The following CAP1 variants were observed in gnomAD, a reference collection of about 807,000 sequenced individuals.
The protein encoded by CAP1 is cyclase associated actin cytoskeleton regulatory protein 1.
A neutral mutation model predicts 58.2 loss-of-function variants in CAP1; 11 were observed. The ratio of observed to expected loss-of-function variants is 0.19; its 90% confidence interval spans 0.12 to 0.31. The LOEUF (loss-of-function observed/expected upper bound fraction) is 0.31. Ranked by LOEUF, CAP1 falls within the 10% of genes least tolerant of loss-of-function variation. The pLI, the probability that CAP1 is intolerant of heterozygous loss-of-function variation, is 1.00. For missense variants in CAP1, 423 were observed against 587.5 expected, an observed-to-expected ratio of 0.72 and a Z score of 2.89; for synonymous variants, 183 against 213.8, an observed-to-expected ratio of 0.86 and a Z score of 1.26.
At chr1:40,043,865 ACT>A (rs1007057505) in intron 1 of CAP1, among the ~76,000 whole-genome samples, 1 of 136,090 alleles carries the variant, frequency 7.3e-6, no homozygotes, top group Non-Finnish European at 1.6e-5. Flanking sequence ...TGATAGTGAG[ACT>A]CTGTCTCAAA....
intron 8 of CAP1, 64 bp from the exon 9 acceptor site, chr1:40,069,626 A>AT: frequency 7.1e-7 from 1 of 1,416,498 alleles, no homozygotes; most frequent in Admixed American, 2.1e-5. Flanking sequence ...GATGTTTAAC[A>AT]TGACGATAGC....
chr1:40,066,091 A>G, intron 6 of CAP1, 124 bp from the exon 7 acceptor site: 1 of 622,932 alleles, frequency 1.6e-6, no homozygotes, highest in Non-Finnish European at 2.9e-6. Flanking sequence ...AAAAGCTGCC[A>G]TTGAGCGGAG....
Position 40,072,269 on chromosome 1 carries a change from A to AC in CAP1, c.*736_*737insC, listed in dbSNP as rs143200276. On this transcript the variant is annotated 3_prime_UTR_variant, in exon 13 of 13. Transcript: ENST00000372805. ...TTTAAAAGGAAAAAAAAAAAAAAAA[A>AC]AACCCACATGATTTCAAGGAGTCTG... The AC allele has an allele frequency of 4.6e-6, 1 of 218,058 alleles. No homozygotes were observed. The highest frequency in any genetic ancestry group is 7.3e-6 in the Non-Finnish European group (1 of 136,554). 13.5% of individuals were successfully genotyped at this position (218,058 alleles called of 1,614,324 possible). A position where few individuals can be genotyped will look rare whatever the true frequency, so the allele number is the denominator to read the frequency against.
chr1:40,070,533 C>T (rs1285671877), intron 11 of CAP1, 21 bp downstream of exon 11: 2 of 1,572,418 alleles, frequency 1.3e-6, no homozygotes, highest in Admixed American at 3.3e-5. Flanking sequence ...ATTTTGGCTC[C>T]TTCTTTTTGT....
Position 40,064,287 on chromosome 1 carries a change from C to A in CAP1, c.355C>A (p.Arg119=). 1 of 1,614,118 alleles carries A rather than the reference C, an allele frequency of 6.2e-7. No individual in the cohort carries two copies. Among genetic ancestry groups the A allele is most frequent in the Non-Finnish European group, 8.5e-7 (1 of 1,179,970 alleles). The change falls in exon 5 of 13, where the codon CGG becomes AGG. Residue 119 remains arginine (R), a synonymous_variant. Transcript: ENST00000372805. ...GCAGATCAAAGAAGTGATAACCTTT[C>A]GGGAGAAGAACCGAGGCAGCAAGTT... The part of the protein sequence containing the change: ...SEQIKEVITF[R]EKNRGSKLFN...
At chr1:40,057,426 T>C (rs1171627895) in intron 1 of CAP1, 1 of 152,220 alleles carries the variant, frequency 6.6e-6, no homozygotes, top group East Asian at 1.9e-4. Context: ...CTGCTTATGG[T>C]CTGCTCTATT....
intron 4 of CAP1, among the ~76,000 whole-genome samples, chr1:40,062,041 T>G (rs1646874379): frequency 6.6e-6 from 1 of 152,200 alleles, no homozygotes; most frequent in Non-Finnish European, 1.5e-5. Flanking sequence ...CATAGGACTG[T>G]GGTTATCCCT....
chr1:40,045,027 G>T (rs1646026506), intron 1 of CAP1, among the ~76,000 whole-genome samples: 1 of 151,852 alleles, frequency 6.6e-6, no homozygotes, highest in African/African-American at 2.4e-5. Context: ...CTCGTGATCT[G>T]CTCGCCTCGG....
intron 1 of CAP1, among the ~76,000 whole-genome samples, chr1:40,044,196 G>A (rs1488994283): frequency 6.6e-6 from 1 of 151,812 alleles, no homozygotes; most frequent in East Asian, 1.9e-4. Flanking sequence ...CTGAGTTAGA[G>A]ACTAGCCTGG....
intron 1 of CAP1, among the ~76,000 whole-genome samples, chr1:40,051,956 T>C (rs559169774): frequency 1.3e-4 from 20 of 152,364 alleles, no homozygotes; most frequent in African/African-American, 4.6e-4. Context: ...ATTCACATTT[T>C]ATTTTGTTGT....
chr1:40,070,428 A>G lies in CAP1; in HGVS notation c.1118-2A>G. ...GTTGACACACTCCCTTTCTTCTCCTAGATAACTGTAAGAAACTTGGCCTGG... is the reference window on the plus strand; with the variant it reads ...GTTGACACACTCCCTTTCTTCTCCTGGATAACTGTAAGAAACTTGGCCTGG... On this transcript the variant is annotated splice_acceptor_variant, in intron 10 of 12. Transcript: ENST00000372805. LOFTEE classifies it high-confidence loss of function. The G allele has an allele frequency of 6.2e-7, 1 of 1,613,028 alleles. No individual in the cohort carries two copies.
At chr1:40,071,091 A>G (rs1647872915) in intron 12 of CAP1, 112 bp downstream of exon 12, 4 of 968,000 alleles carry the variant, frequency 4.1e-6, no homozygotes, top group Admixed American at 2.3e-5. Context: ...TAAAAACCCA[A>G]TAATGCACAC....
intron 1 of CAP1, among the ~76,000 whole-genome samples, chr1:40,050,183 T>A (rs1249430530): frequency 1.3e-5 from 2 of 152,010 alleles, no homozygotes; most frequent in African/African-American, 4.8e-5. Context: ...AGAATCCCTC[T>A]AATCCTGAGA....
At chr1:40,041,778 A>G (rs1645842255) in intron 1 of CAP1, among the ~76,000 whole-genome samples, 1 of 152,200 alleles carries the variant, frequency 6.6e-6, no homozygotes, top group South Asian at 2.1e-4. Flanking sequence ...AGTAATTATA[A>G]ATGTTGATGA....
chr1:40,041,659 T>C (rs1315487063), intron 1 of CAP1, among the ~76,000 whole-genome samples: 3 of 152,228 alleles, frequency 2.0e-5, no homozygotes, highest in Non-Finnish European at 4.4e-5. Context: ...TAACAAATTG[T>C]GTTTATTCTG....
chr1:40,047,061 G>A (rs1052200244), intron 1 of CAP1, among the ~76,000 whole-genome samples: 2 of 137,892 alleles, frequency 1.5e-5, no homozygotes, highest in Non-Finnish European at 3.1e-5. Context: ...ATGAGCCATC[G>A]CGCCCGGCCA....
chr1:40,070,796 C>T, intron 11 of CAP1, 40 bp from the exon 12 acceptor site: 1 of 1,567,234 alleles, frequency 6.4e-7, no homozygotes, highest in Non-Finnish European at 8.7e-7. Context: ...TGTTGTCCTT[C>T]CCAACCACTG....
At chr1:40,054,387 GCTGGT>G (rs1387486397) in intron 1 of CAP1, among the ~76,000 whole-genome samples, 1 of 152,070 alleles carries the variant, frequency 6.6e-6, no homozygotes, top group African/African-American at 2.4e-5. Flanking sequence ...GTGCTTCCCA[GCTGGT>G]CTCGAACTCC....
chr1:40,044,186 C>T (rs1191003553), intron 1 of CAP1, among the ~76,000 whole-genome samples: 3 of 151,896 alleles, frequency 2.0e-5, no homozygotes, highest in African/African-American at 7.3e-5. Context: ...TTTCTTGAGG[C>T]TGAGTTAGAG....
Sources: gnomAD v4.1 joint callset for allele counts (sites outside exome capture counted in the v4.1 genomes callset) on GRCh38, gnomAD v4.1.1 for gene constraint, MANE v1.5 for transcripts, NCBI Gene and HGNC (gene_info 2026-07-23, HGNC 2026-07-21) for gene names.